The following DMD variants were observed in gnomAD, a reference collection of about 807,000 sequenced individuals.
DMD encodes the protein dystrophin.
A neutral mutation model predicts 330.1 loss-of-function variants in DMD; 63 were observed. The observed-to-expected ratio is 0.19, with a 90% confidence interval of 0.16 to 0.24. The LOEUF (loss-of-function observed/expected upper bound fraction) is 0.24, where lower values mean the gene tolerates loss of function less well. Ranked by LOEUF, DMD falls within the 10% of genes least tolerant of loss-of-function variation. The pLI is 1.00. For synonymous variants in DMD, 1,223 were observed against 959.8 expected (o/e 1.27, Z -5.07); for missense variants, 3,344 against 2,684.1 (o/e 1.25, Z -5.43).
intron 30 of DMD, among the ~76,000 whole-genome samples, chrX:32,393,710 C>G (rs2098020252): frequency 1.8e-5 from 2 of 110,381 alleles, no homozygotes; most frequent in Non-Finnish European, 3.8e-5. Flanking sequence ...ATGGAGAACA[C>G]AAATTTAACT....
At chrX:33,270,524 C>T (rs1426506989) in intron 1 of DMD, among the ~76,000 whole-genome samples, 1 of 102,037 alleles carries the variant, frequency 9.8e-6, no homozygotes, top group African/African-American at 4.2e-5. Flanking sequence ...CATTTACAAT[C>T]AACCCCCTCA....
intron 13 of DMD, among the ~76,000 whole-genome samples, chrX:32,591,570 C>G (rs748759097): frequency 8.9e-6 from 1 of 112,196 alleles, no homozygotes; most frequent in Admixed American, 9.4e-5. Context: ...GAAACTCTAC[C>G]CACCTCCACC....
At chrX:31,952,485 G>A (rs1385585865) in intron 45 of DMD, among the ~76,000 whole-genome samples, 1 of 106,242 alleles carries the variant, frequency 9.4e-6, no homozygotes, top group African/African-American at 3.4e-5. Context: ...CTGCTCTTGA[G>A]CCCCATTAGT....
chrX:31,648,642 A>G (rs868621176), intron 54 of DMD, among the ~76,000 whole-genome samples: 1,102 of 85,397 alleles, frequency 0.013, no homozygotes, highest in Non-Finnish European at 0.022. Flanking sequence ...AAAAAAAAAA[A>G]AAAAAAAAAA....
At chrX:31,649,385 T>C (rs763744178) in intron 54 of DMD, among the ~76,000 whole-genome samples, 1 of 111,320 alleles carries the variant, frequency 9.0e-6, no homozygotes, top group African/African-American at 3.3e-5. Context: ...AATGACATGG[T>C]TCCAAATGTC....
chrX:31,182,972 G>A, intron 67 of DMD, 68 bp from the exon 68 acceptor site: 1 of 930,509 alleles, frequency 1.1e-6, no homozygotes, highest in Non-Finnish European at 1.5e-6. Context: ...GATGGCAAAG[G>A]AGGTGTATAT....
intron 60 of DMD, among the ~76,000 whole-genome samples, chrX:31,379,434 G>C (rs2060047142): frequency 9.0e-6 from 1 of 111,111 alleles, no homozygotes; most frequent in Non-Finnish European, 1.9e-5. Flanking sequence ...CCAGTTCATG[G>C]CTCGTTTGGC....
chrX:31,188,891 A>T (rs1026374261), intron 67 of DMD, among the ~76,000 whole-genome samples: 1 of 112,059 alleles, frequency 8.9e-6, no homozygotes, highest in Non-Finnish European at 1.9e-5. Flanking sequence ...AGGTACACAG[A>T]CAAAGAATTC....
rs1205791627 is a variant in DMD at position 32,704,909 on chromosome X, A to C, written c.650-5616T>G. ...ATATTCTAAAAGGACAAAGTGCTGG[A>C]AGTAAAGTGGATTATTTTTTGAGGC... On this transcript the variant is annotated intron_variant, in intron 7 of 78. Transcript: ENST00000357033. 3.6e-5 allele frequency among the ~76,000 whole-genome samples: 4 copies of C among 112,251 alleles called. No individual in the cohort carries two copies. The Admixed American group carries it at 3.8e-4, about 11-fold the overall frequency.
rs750832363 is a variant in DMD at position 32,137,037 on chromosome X, T to C, written c.6438+79879A>G. On this transcript the variant is annotated intron_variant, in intron 44 of 78. Coordinates refer to ENST00000357033, the MANE Select transcript of DMD (RefSeq NM_004006.3). ...TAAATTTAAAAAAAAGAAAATAATATTTTATTATGTACAGCGTGCATTATC... is the reference window on the plus strand; with the variant it reads ...TAAATTTAAAAAAAAGAAAATAATACTTTATTATGTACAGCGTGCATTATC... 4.5e-5 allele frequency among the ~76,000 whole-genome samples: 5 copies of C among 112,326 alleles called. No individual in the cohort carries two copies. The South Asian group carries it at 1.5e-3, about 33-fold the overall frequency.
intron 34 of DMD, among the ~76,000 whole-genome samples, chrX:32,367,921 G>T (rs1305565469): frequency 8.9e-6 from 1 of 111,740 alleles, no homozygotes; most frequent in Admixed American, 9.5e-5. Context: ...TAAAAAAAGA[G>T]ACCTAGAGTT....
At chrX:32,032,534 A>G (rs1313902170) in intron 44 of DMD, among the ~76,000 whole-genome samples, 1 of 111,813 alleles carries the variant, frequency 8.9e-6, no homozygotes, top group African/African-American at 3.2e-5. Context: ...AAAGAAGCAC[A>G]TGGAAAGCGC....
At position 32,389,136 on chromosome X, in the gene DMD, G is replaced by A. The variant is rs530326789; in HGVS notation, c.4518+365C>T. Among the ~76,000 whole-genome samples the A allele has an allele frequency of 2.7e-5, 3 of 111,689 alleles. No homozygotes were observed. In the East Asian group the frequency reaches 8.4e-4, roughly 31 times the overall value. ...ATTAAAGGTGACTTCTGTATGTCAC[G>A]TAGTTTACCTGGCATCCATTATTTC... is the stretch of plus-strand genomic sequence containing the variant. On this transcript the variant is annotated intron_variant, in intron 32 of 78. Coordinates refer to ENST00000357033, the MANE Select transcript of DMD (RefSeq NM_004006.3).
intron 50 of DMD, among the ~76,000 whole-genome samples, chrX:31,806,553 G>T (rs2092297051): frequency 8.9e-6 from 1 of 112,783 alleles, no homozygotes; most frequent in Non-Finnish European, 1.9e-5. Context: ...TGATATTCAT[G>T]TGACAGTCTG....
intron 17 of DMD, among the ~76,000 whole-genome samples, chrX:32,540,259 G>T (rs1219809506): frequency 4.5e-5 from 5 of 111,099 alleles, no homozygotes; most frequent in Non-Finnish European, 7.6e-5. Flanking sequence ...TTTGCTATTA[G>T]AAATAATTAT....
intron 24 of DMD, among the ~76,000 whole-genome samples, chrX:32,464,196 C>T (rs2098393346): frequency 9.0e-6 from 1 of 111,700 alleles, no homozygotes; most frequent in Non-Finnish European, 1.9e-5. Flanking sequence ...GGATTCTTTA[C>T]CTTTAAATTA....
At chrX:31,178,021 CA>C in intron 70 of DMD, 51 bp from the exon 71 acceptor site, 2 of 1,150,084 alleles carry the variant, frequency 1.7e-6, no homozygotes, top group Admixed American at 2.3e-5. Context: ...AACTCAGCCG[CA>C]AAAAAATTTA....
chrX:32,294,044 C>T (rs895748362), intron 42 of DMD, among the ~76,000 whole-genome samples: 1 of 111,800 alleles, frequency 8.9e-6, no homozygotes. Flanking sequence ...GTACCAGAAA[C>T]GTGCACCAAC....
chrX:32,598,248 T>A (rs2055796703), intron 12 of DMD, among the ~76,000 whole-genome samples: 1 of 112,280 alleles, frequency 8.9e-6, no homozygotes, highest in Non-Finnish European at 1.9e-5. Context: ...CTATACTGCC[T>A]ATCATGCCTT....
Sources: gnomAD v4.1 joint callset for allele counts (sites outside exome capture counted in the v4.1 genomes callset) on GRCh38, gnomAD v4.1.1 for gene constraint, MANE v1.5 for transcripts, NCBI Gene and HGNC (gene_info 2026-07-23, HGNC 2026-07-21) for gene names.